Variants in NAA15 observed in about 807,000 individuals in gnomAD.
The protein encoded by NAA15 is N-terminal acetyltransferase.
In NAA15, 34 loss-of-function variants were observed where a neutral mutation model predicts 114.0. That is an observed-to-expected ratio of 0.30 (90% CI 0.23 to 0.40). NAA15 has a LOEUF of 0.40. NAA15 is among the 10% of genes least tolerant of loss of function. The probability of loss-of-function intolerance (pLI) is 1.00; values close to 1 mark genes in which losing one functional copy is unlikely to be tolerated. For missense variants in NAA15, 658 were observed against 1,004.5 expected (o/e 0.66, Z 4.66); for synonymous variants, 340 against 338.0 (o/e 1.01, Z -0.06).
chr4:139,375,181 G>T (rs1219155914), intron 15 of NAA15, among the ~76,000 whole-genome samples: 2 of 152,314 alleles, frequency 1.3e-5, no homozygotes, highest in East Asian at 3.9e-4. Context: ...ATGGGAGCAA[G>T]AAGTAAAATA....
chr4:139,361,694 G>A (rs201445113), intron 13 of NAA15, 30 bp from the exon 14 acceptor site: 22 of 1,373,408 alleles, frequency 1.6e-5, no homozygotes, highest in African/African-American at 2.9e-5. Flanking sequence ...GCTGTACTTC[G>A]GTATAATAAT....
chr4:139,304,910 C>T (rs1560948011), intron 1 of NAA15, among the ~76,000 whole-genome samples: 2 of 152,046 alleles, frequency 1.3e-5, no homozygotes, highest in Admixed American at 6.6e-5. Context: ...ATAATTTTGC[C>T]ATTCTTTTGG....
At chr4:139,314,927 C>T (rs187682365) in intron 1 of NAA15, among the ~76,000 whole-genome samples, 8 of 151,606 alleles carry the variant, frequency 5.3e-5, no homozygotes, top group South Asian at 2.1e-4. Flanking sequence ...CCGCCTGCCT[C>T]GGCCTCCCAA....
In NAA15 at chr4:139,347,750, C is replaced by T. The variant is rs190626415; in HGVS notation, c.692-1712C>T. 4.7e-3 allele frequency among the ~76,000 whole-genome samples: 713 copies of T among 152,114 alleles called. 7 individuals are homozygous for T. Among genetic ancestry groups the T allele is most frequent in the African/African-American group, 0.016 (679 of 41,520 alleles). On this transcript the variant is annotated intron_variant, in intron 6 of 19. Transcript: ENST00000296543. ...AGACTCTTAGAAAGTTTACTTAAGT[C>T]GGCCGGGCGCGGTGGCTCACGCCTG...
In NAA15 at chr4:139,361,725, A is replaced by G; in HGVS notation, c.1541A>G (p.His514Arg). The G allele has an allele frequency of 6.4e-7, 1 of 1,563,376 alleles. No individual in the cohort carries two copies. Among genetic ancestry groups the G allele is most frequent in the Non-Finnish European group, 8.7e-7 (1 of 1,150,144 alleles). Residue 514 changes from histidine to arginine, a missense_variant and splice_region_variant, in exon 14 of 20, where the codon CAT becomes CGT. By Grantham distance (29) the His-to-Arg change is conservative. Around this residue, in one of 6 missense-constraint regions of NAA15, gnomAD observed 281 missense variants for 389.1 expected, o/e 0.72. Transcript: ENST00000296543. ...ALKKCHEIER[H>R]FIEITDDQFD... ...ATAATAAAAAGATAATTTTGTTAGC[A>G]TTTTATAGAAATCACTGATGACCAG... is the stretch of plus-strand genomic sequence containing the variant.
intron 2 of NAA15, among the ~76,000 whole-genome samples, chr4:139,335,966 C>T (rs950757530): frequency 3.9e-5 from 6 of 152,042 alleles, no homozygotes; most frequent in Non-Finnish European, 8.8e-5. Flanking sequence ...ACCATGTTGG[C>T]CAGGCTGATC....
intron 2 of NAA15, among the ~76,000 whole-genome samples, chr4:139,335,347 C>T (rs1177374055): frequency 6.6e-6 from 1 of 152,092 alleles, no homozygotes; most frequent in East Asian, 1.9e-4. Flanking sequence ...ATGCAGTTTT[C>T]CCTACATCAT....
intron 1 of NAA15, among the ~76,000 whole-genome samples, chr4:139,329,311 G>C (rs1478870768): frequency 1.3e-5 from 2 of 151,698 alleles, no homozygotes; most frequent in African/African-American, 4.8e-5. Flanking sequence ...CTTCTTTATC[G>C]TAATTCCATC....
At chr4:139,342,792 C>A in intron 4 of NAA15, 34 bp from the exon 5 acceptor site, 1 of 1,595,444 alleles carries the variant, frequency 6.3e-7, no homozygotes, top group Non-Finnish European at 8.5e-7. Context: ...TACTAAAAGC[C>A]TAAGAAAAAG....
Position 139,370,313 on chromosome 4 carries a change from A to T in NAA15, c.1856A>T (p.Lys619Met). ...EEEKKNAEKE[K>M]QQRNQKKKKD... The stretch of plus-strand genomic sequence containing the variant: ...GAGAAAAAAAATGCAGAAAAAGAAA[A>T]GCAGCAGAGAAATCAGAAAAAGAAG... The change falls in exon 15 of 20, where the codon AAG (lysine) becomes ATG (methionine). Residue 619 changes from lysine (K) to methionine (M), a missense_variant. By Grantham distance (95) the Lys-to-Met change is moderately conservative. Coordinates refer to ENST00000296543, the MANE Select transcript of NAA15 (RefSeq NM_057175.5). 1 of 1,599,486 alleles carries T rather than the reference A, an allele frequency of 6.3e-7. No homozygotes were observed. Among genetic ancestry groups the T allele is most frequent in the Non-Finnish European group, 8.5e-7 (1 of 1,171,808 alleles).
intron 13 of NAA15, 146 bp downstream of exon 13, chr4:139,360,774 G>A: frequency 1.5e-6 from 1 of 653,044 alleles, no homozygotes. Context: ...TTTTCATACT[G>A]GAAATATAGA....
chr4:139,361,374 T>C (rs1222888115), intron 13 of NAA15, among the ~76,000 whole-genome samples: 4 of 152,166 alleles, frequency 2.6e-5, no homozygotes, highest in Non-Finnish European at 1.5e-5. Context: ...AAAAACTCAA[T>C]GTTTAACATG....
chr4:139,336,601 T>A, intron 2 of NAA15, among the ~76,000 whole-genome samples: 1 of 152,048 alleles, frequency 6.6e-6, no homozygotes, highest in South Asian at 2.1e-4. Flanking sequence ...ATTTTGTATC[T>A]TTTATCTTAA....
chr4:139,381,203 C>A (rs1345296231), intron 17 of NAA15, among the ~76,000 whole-genome samples: 1 of 152,046 alleles, frequency 6.6e-6, no homozygotes, highest in African/African-American at 2.4e-5. Flanking sequence ...CTGTCTTTTT[C>A]TTATTATGAG....
chr4:139,347,972 CAGT>C (rs1747643404), intron 6 of NAA15, among the ~76,000 whole-genome samples: 1 of 146,148 alleles, frequency 6.8e-6, no homozygotes, highest in African/African-American at 2.6e-5. Context: ...GCGGAGCTTG[CAGT>C]GAGCCGAGAT....
chr4:139,335,415 G>T (rs1747166459), intron 2 of NAA15, among the ~76,000 whole-genome samples: 1 of 152,088 alleles, frequency 6.6e-6, no homozygotes. Context: ...GTCCAGGCTG[G>T]AGTGCAGTGG....
At chr4:139,385,193 G>A (rs534493857) in intron 18 of NAA15, among the ~76,000 whole-genome samples, 2 of 148,972 alleles carry the variant, frequency 1.3e-5, no homozygotes, top group African/African-American at 5.0e-5. Flanking sequence ...GAGGCAGAAG[G>A]ATCACTTGAG....
chr4:139,306,679 T>C (rs1213097784), intron 1 of NAA15, among the ~76,000 whole-genome samples: 2 of 151,844 alleles, frequency 1.3e-5, no homozygotes, highest in Non-Finnish European at 2.9e-5. Flanking sequence ...CATTAGAAAA[T>C]TGTGGCCTTT....
chr4:139,316,985 A>G (rs1357153691), intron 1 of NAA15, among the ~76,000 whole-genome samples: 2 of 151,280 alleles, frequency 1.3e-5, no homozygotes, highest in Non-Finnish European at 2.9e-5. Context: ...GTTGCCTTTG[A>G]TCTTACATAC....
Sources: allele counts gnomAD v4.1 joint callset (sites outside exome capture counted in the v4.1 genomes callset), GRCh38; gene constraint gnomAD v4.1.1; regional missense constraint gnomAD v4.1.1; transcripts MANE v1.5; gene names NCBI Gene and HGNC (gene_info 2026-07-23, HGNC 2026-07-21).